LMF2: variants seen among roughly 807,000 people sequenced by gnomAD.
The protein encoded by LMF2 is transmembrane protein 112B.
LMF2 carries 113 observed loss-of-function variants against 81.5 expected under a neutral mutation model. The observed-to-expected ratio is 1.39, with a 90% CI of 1.19 to 1.62. LMF2 has a LOEUF of 1.62. Among genes scored for constraint, LMF2 ranks in the 40% most tolerant of loss-of-function variants. The pLI, the probability that LMF2 is intolerant of heterozygous loss-of-function variation, is 0.00. For synonymous variants in LMF2, 645 were observed against 424.5 expected (o/e 1.52, Z -6.39); for missense variants, 1,235 against 929.1 (o/e 1.33, Z -4.28).
At position 50,505,704 on chromosome 22, in the gene LMF2, C is replaced by T. The variant is rs778083475; in HGVS notation, c.886G>A (p.Gly296Ser). 1 of 1,612,814 alleles carries T rather than the reference C, an allele frequency of 6.2e-7. No homozygotes were observed. The highest frequency in any genetic ancestry group is 8.5e-7 in the Non-Finnish European group (1 of 1,179,940). The change falls in exon 6 of 14, where the codon GGC becomes AGC. Residue 296 changes from glycine to serine, a missense_variant. Gly to Ser is a moderately conservative substitution (Grantham distance 56). Transcript: ENST00000474879. Reference protein sequence around the residue: ...LDDQHLAAEPGHGSRKKTATS... With the variant: ...LDDQHLAAEPSHGSRKKTATS... Reference sequence around the variant, plus strand: ...GCCGTCTTCTTGCGGCTGCCGTGGCCAGGCTCAGCAGCCAGGTGCTGGTCG... The same window carrying T: ...GCCGTCTTCTTGCGGCTGCCGTGGCTAGGCTCAGCAGCCAGGTGCTGGTCG...
rs1283592782 is a variant in LMF2, at chr22:50,503,379, G to A, written c.*12C>T. On this transcript the variant is annotated 3_prime_UTR_variant, in exon 14 of 14. Transcript: ENST00000474879. ...CCTGGCCCTCTCAGGACGTGCAGCTGGGAGAACACAGCTACTTCTTTCGCC... is the reference window on the plus strand; with the variant it reads ...CCTGGCCCTCTCAGGACGTGCAGCTAGGAGAACACAGCTACTTCTTTCGCC... The A allele has an allele frequency of 3.1e-6, 5 of 1,610,866 alleles. No homozygotes were observed. The highest frequency in any genetic ancestry group is 1.3e-5 in the African/African-American group (1 of 74,894).
At position 50,507,701 on chromosome 22, in the gene LMF2, G is replaced by A. The variant is rs758389954; in HGVS notation, c.-26C>T. On this transcript the variant is annotated 5_prime_UTR_variant, in exon 1 of 14. Coordinates refer to ENST00000474879, the MANE Select transcript of LMF2 (RefSeq NM_033200.3). Reference sequence around the variant, plus strand: ...GTCCGCTACGCGGCCCGCTAGAGCAGGGCCCGCCCTCCGCGTCCGCCCGCC... The same window carrying A: ...GTCCGCTACGCGGCCCGCTAGAGCAAGGCCCGCCCTCCGCGTCCGCCCGCC... 50 of 1,516,528 alleles carry A rather than the reference G, an allele frequency of 3.3e-5. No homozygotes were observed. Among genetic ancestry groups the A allele is most frequent in the Non-Finnish European group, 3.9e-5 (44 of 1,130,370 alleles). The allele number at this position is 1,516,528 out of a possible 1,614,324, so 93.9% of individuals were successfully genotyped here. A position where few individuals can be genotyped will look rare whatever the true frequency, so the allele number is the denominator to read the frequency against.
rs752435396 is a variant in LMF2 at position 50,503,444 on chromosome 22, C to T, written c.2071G>A (p.Ala691Thr). Residue 691 changes from alanine to threonine, a missense_variant, in exon 14 of 14, where the codon GCA becomes ACA. Transcript: ENST00000474879. ...DSGAASEQAT[A>T]APNPCSSSSR... ...CTACTGGAGCAGGGGTTGGGGGCTG[C>T]GGTGGCCTGTTCGGAGGCAGCTCCG... 39 of 1,604,818 alleles carry T rather than the reference C, an allele frequency of 2.4e-5. No homozygotes were observed. The highest frequency in any genetic ancestry group is 4.5e-5 in the East Asian group (2 of 44,732).
Position 50,504,540 on chromosome 22 carries a change from C to A in LMF2, c.1606+19G>T, listed in dbSNP as rs529815890. 1 of 1,553,244 alleles carries A rather than the reference C, an allele frequency of 6.4e-7. No homozygotes were observed. The highest frequency in any genetic ancestry group is 1.9e-5 in the Admixed American group (1 of 53,906). ...GCTCCACCCCAGCCCACTCCACACC[C>A]CCCAAGCCCGCTCCGCACCTGGCTC... On this transcript the variant is annotated intron_variant, in intron 11 of 13. Coordinates refer to ENST00000474879, the MANE Select transcript of LMF2 (RefSeq NM_033200.3).
intron 1 of LMF2, 149 bp from the exon 2 acceptor site, chr22:50,507,184 TCCCCCAGGTCGGGACCTGTCAAAA>T (rs2068610104): frequency 7.6e-7 from 1 of 1,312,210 alleles, no homozygotes; most frequent in Admixed American, 2.9e-5. Context: ...CCAGAGCCCG[TCCCCCAGGTCGGGACCTGTCAAAA>T]CCCCGTCCCA....
Position 50,505,497 on chromosome 22 carries a change from C to G in LMF2, c.957G>C (p.Leu319=). 1 of 1,612,790 alleles carries G rather than the reference C, an allele frequency of 6.2e-7. No individual in the cohort carries two copies. The highest frequency in any genetic ancestry group is 1.1e-5 in the South Asian group (1 of 91,078). ...KALLATLSLL[L]ELAVYGLLAY... The stretch of plus-strand genomic sequence containing the variant: ...CCAGAAGCCCGTAGACGGCTAGTTC[C>G]AGCAGCAGCGACAGGGTGGCCAGCA... Residue 319 remains leucine, a synonymous_variant, in exon 7 of 14, where the codon CTG becomes CTC. Transcript: ENST00000474879.
chr22:50,506,903 T>C lies in LMF2; in HGVS notation c.227A>G (p.Gln76Arg). The C allele has an allele frequency of 6.3e-7, 1 of 1,583,462 alleles. No homozygotes were observed. The highest frequency in any genetic ancestry group is 8.6e-7 in the Non-Finnish European group (1 of 1,166,328). Residue 76 changes from glutamine to arginine, a missense_variant, in exon 2 of 14, where the codon CAG (glutamine) becomes CGG (arginine). Coordinates refer to ENST00000474879, the MANE Select transcript of LMF2 (RefSeq NM_033200.3). ...EAPRLGLDTA[Q>R]GLELLSLLGA... ...CAGCAGGCTCAGCAGCTCCAGGCCC[T>C]GGGCCGTGTCCAGCCCCAGTCTCGG... is the stretch of plus-strand genomic sequence containing the variant.
intron 12 of LMF2, 71 bp from the exon 13 acceptor site, chr22:50,503,975 T>G (rs1368317802): frequency 2.0e-5 from 27 of 1,364,556 alleles, no homozygotes; most frequent in East Asian, 1.4e-4. Flanking sequence ...GTGCCCAGCC[T>G]TACCCCTGCT....
chr22:50,504,589 C>T lies in LMF2; in HGVS notation c.1576G>A (p.Val526Ile), dbSNP rs781598823. The change falls in exon 11 of 14, where the codon GTC becomes ATC. Residue 526 changes from valine (V) to isoleucine (I), a missense_variant. Transcript: ENST00000474879. ...HTHSPWFTSL[V>I]LRLLQGKEPV... ...TCCTTGCCCTGCAGCAGGCGCAAGACCAGGCTTGTGAACCACGGGCTGTGC... is the reference window on the plus strand; with the variant it reads ...TCCTTGCCCTGCAGCAGGCGCAAGATCAGGCTTGTGAACCACGGGCTGTGC... 6.9e-6 allele frequency: 11 copies of T among 1,600,890 alleles called. No homozygotes were observed. The South Asian group carries it at 1.2e-4, about 18-fold the overall frequency.
At position 50,504,732 on chromosome 22, in the gene LMF2, C is replaced by T; in HGVS notation, c.1438-5G>A. The T allele has an allele frequency of 6.2e-7, 1 of 1,609,282 alleles. No homozygotes were observed. Among genetic ancestry groups the T allele is most frequent in the South Asian group, 1.1e-5 (1 of 91,012 alleles). ...CTTGTACATGAACTCGATCTCCTGCCAGGCAGGCCGAGGTCAGCTGGGCCC... is the reference window on the plus strand; with the variant it reads ...CTTGTACATGAACTCGATCTCCTGCTAGGCAGGCCGAGGTCAGCTGGGCCC... On this transcript the variant is annotated splice_polypyrimidine_tract_variant and splice_region_variant and intron_variant, in intron 10 of 13. Coordinates refer to ENST00000474879, the MANE Select transcript of LMF2 (RefSeq NM_033200.3).
Position 50,503,681 on chromosome 22 carries a change from T to A in LMF2, c.1834A>T (p.Thr612Ser). The change falls in exon 14 of 14, where the codon ACC becomes TCC. Residue 612 changes from threonine to serine, a missense_variant. Coordinates refer to ENST00000474879, the MANE Select transcript of LMF2 (RefSeq NM_033200.3). ...GCCAGGGTGCTGTTGGCGCTGCGGG[T>A]GCGAGGTGGGCTTTTCTCCTGTGGG... ...FGLQEKSPPRTRSANSTLAQA... is the reference protein window; with the variant it reads ...FGLQEKSPPRSRSANSTLAQA... 2 of 1,128,868 alleles carry A rather than the reference T, an allele frequency of 1.8e-6. No individual in the cohort carries two copies. Among genetic ancestry groups the A allele is most frequent in the Non-Finnish European group, 2.4e-6 (2 of 830,122 alleles). The allele number at this position is 1,128,868 out of a possible 1,614,324, so 69.9% of individuals were successfully genotyped here. A position where few individuals can be genotyped will look rare whatever the true frequency, so the allele number is the denominator to read the frequency against.
In LMF2 at chr22:50,506,331, G is replaced by A. The variant is rs1287705797; in HGVS notation, c.549C>T (p.Gly183=). 1.1e-5 allele frequency: 17 copies of A among 1,549,490 alleles called. No homozygotes were observed. Among genetic ancestry groups the A allele is most frequent in the South Asian group, 1.2e-5 (1 of 84,084 alleles). The change falls in exon 4 of 14, where the codon GGC becomes GGT. Residue 183 remains glycine, a synonymous_variant. Transcript: ENST00000474879. ...WLLFRLMFAS[G]VVKLTSRCPA... Reference sequence around the variant, plus strand: ...GGCAGCGGCTGGTCAGCTTGACCACGCCTGAGGCGAACATGAGGCGGAACA... The same window carrying A: ...GGCAGCGGCTGGTCAGCTTGACCACACCTGAGGCGAACATGAGGCGGAACA...
At chr22:50,504,495 G>GCCCCCCCCCCCCCCCCCCCCCCCCCCCCC in intron 11 of LMF2, 44 bp from the exon 12 acceptor site, 2 of 1,339,592 alleles carry the variant, frequency 1.5e-6, no homozygotes, top group Non-Finnish European at 2.1e-6. Context: ...TACCCGCCCT[G>GCCCCCCCCCCCCCCCCCCCCCCCCCCCCC]CCCCTCCCCT....
Position 50,506,497 on chromosome 22 carries a change from G to A in LMF2, c.383C>T (p.Ser128Phe), listed in dbSNP as rs757285732. 5.8e-6 allele frequency: 9 copies of A among 1,559,608 alleles called. No homozygotes were observed. Among genetic ancestry groups the A allele is most frequent in the South Asian group, 2.4e-5 (2 of 84,974 alleles). ...CAGGAAGCCAGTCTCTAGCAGCAGG[G>A]AGTCCCTATGGGGAGAGCAAATAGC... Reference protein sequence around the residue: ...GQVFLYFQWDSLLLETGFLAV... With the variant: ...GQVFLYFQWDFLLLETGFLAV... The change falls in exon 4 of 14, where the codon TCC becomes TTC. Residue 128 changes from serine to phenylalanine, a missense_variant. By Grantham distance (155) the Ser-to-Phe change is radical (BLOSUM62 -2). Transcript: ENST00000474879.
chr22:50,504,271 C>T, intron 12 of LMF2, 69 bp downstream of exon 12: 3 of 925,310 alleles, frequency 3.2e-6, no homozygotes, highest in Non-Finnish European at 4.7e-6. Context: ...CCCCGGGCTC[C>T]ACACCCCCCG....
At chr22:50,507,081 A>G in intron 1 of LMF2, 46 bp from the exon 2 acceptor site, 1 of 1,547,342 alleles carries the variant, frequency 6.5e-7, no homozygotes, top group Non-Finnish European at 8.7e-7. Flanking sequence ...GCCCTTGCAG[A>G]CTAGACTACC....
Position 50,506,414 on chromosome 22 carries a change from T to C in LMF2, c.466A>G (p.Arg156Gly). Residue 156 changes from arginine (R) to glycine (G), a missense_variant, in exon 4 of 14, where the codon AGG becomes GGG. Physicochemically the swap from Arg to Gly is moderately radical, Grantham distance 125. Coordinates refer to ENST00000474879, the MANE Select transcript of LMF2 (RefSeq NM_033200.3). ...TCGTGGGGCAGGGCCCCTGCCTGCC[T>C]GCCCTGGGGGGCCTCCTTGCGGTGG... ...ASHRKEAPQG[R>G]QAGALPHEDL... 1.3e-6 allele frequency: 2 copies of C among 1,550,444 alleles called. No homozygotes were observed. Among genetic ancestry groups the C allele is most frequent in the Non-Finnish European group, 1.7e-6 (2 of 1,147,824 alleles).
Position 50,503,437 on chromosome 22 carries a change from G to A in LMF2, c.2078C>T (p.Pro693Leu). ...GAASEQATAA[P>L]NPCSSSSRTT... ...CCTCGAACTACTGGAGCAGGGGTTG[G>A]GGGCTGCGGTGGCCTGTTCGGAGGC... Residue 693 changes from proline (P) to leucine (L), a missense_variant, in exon 14 of 14, where the codon CCC becomes CTC. Pro to Leu is a moderately conservative substitution (Grantham distance 98, BLOSUM62 -3). Coordinates refer to ENST00000474879, the MANE Select transcript of LMF2 (RefSeq NM_033200.3). 3 of 1,607,696 alleles carry A rather than the reference G, an allele frequency of 1.9e-6. No individual in the cohort carries two copies. The South Asian group carries it at 3.3e-5, about 18-fold the overall frequency.
In LMF2 at chr22:50,503,925, C is replaced by G. The variant is rs569696985; in HGVS notation, c.1719-21G>C. Reference sequence around the variant, plus strand: ...ACTGGCTGCAGCAGGACCCGATGTTCAGAAGCTGGAGGCACCCCGGGCTCC... The same window carrying G: ...ACTGGCTGCAGCAGGACCCGATGTTGAGAAGCTGGAGGCACCCCGGGCTCC... On this transcript the variant is annotated intron_variant, in intron 12 of 13. Coordinates refer to ENST00000474879, the MANE Select transcript of LMF2 (RefSeq NM_033200.3). The G allele has an allele frequency of 2.5e-6, 4 of 1,601,910 alleles. No homozygotes were observed. The African/African-American group carries it at 5.3e-5, about 21-fold the overall frequency.
Sources: gnomAD v4.1 joint callset for allele counts on GRCh38, gnomAD v4.1.1 for gene constraint, MANE v1.5 for transcripts, NCBI Gene and HGNC (gene_info 2026-07-23, HGNC 2026-07-21) for gene names.